The following PCDH7 variants were observed in gnomAD, a reference collection of about 807,000 sequenced individuals.
The protein encoded by PCDH7 is protocadherin-7.
In PCDH7, 17 loss-of-function variants were observed where a neutral mutation model predicts 58.9. The observed-to-expected ratio is 0.29, with a 90% CI of 0.20 to 0.43. PCDH7 has a LOEUF of 0.43. PCDH7 is among the 20% of genes least tolerant of loss of function. The pLI is 1.00. For synonymous variants in PCDH7, 664 were observed against 616.4 expected, an observed-to-expected ratio of 1.08 and a Z score of -1.14; for missense variants, 1,274 against 1,441.0, an observed-to-expected ratio of 0.88 and a Z score of 1.88.
intron 1 of PCDH7, among the ~76,000 whole-genome samples, chr4:30,866,040 T>C (rs35363488): frequency 0.25 from 38,145 of 151,978 alleles, 4,920 homozygotes; most frequent in African/African-American, 0.29. Flanking sequence ...AATTCCTGTA[T>C]GTTAAATGAA....
At chr4:30,845,075 C>G (rs1321987049) in intron 1 of PCDH7, among the ~76,000 whole-genome samples, 2 of 152,114 alleles carry the variant, frequency 1.3e-5, no homozygotes, top group Non-Finnish European at 2.9e-5. Context: ...TGAAGTTATT[C>G]TAAAGAGCTT....
In PCDH7 at chr4:30,772,060, G is replaced by A. The variant is rs1721486512; in HGVS notation, c.70+47464G>A. On this transcript the variant is annotated intron_variant, in intron 1 of 3. Transcript: ENST00000509759. ...AATTTTTGTATTTTTAGTAGAGATG[G>A]GGTCTCACCATGTTGGCCAGGGTGG... Among the ~76,000 whole-genome samples the A allele has an allele frequency of 4.6e-5, 7 of 151,982 alleles. No individual in the cohort carries two copies. The South Asian group carries it at 1.5e-3, about 32-fold the overall frequency.
At chr4:30,878,666 C>T (rs4408918) in intron 1 of PCDH7, among the ~76,000 whole-genome samples, 61,623 of 151,768 alleles carry the variant, frequency 0.41, 12,739 homozygotes, top group African/African-American at 0.45. Flanking sequence ...CTGGTCAACA[C>T]GGCAAACCCC....
intron 1 of PCDH7, among the ~76,000 whole-genome samples, chr4:30,894,564 T>C (rs554577100): frequency 0.021 from 2,177 of 104,626 alleles, 33 homozygotes; most frequent in Middle Eastern, 0.043. Context: ...CACACATATA[T>C]ACATATACAC....
intron 1 of PCDH7, among the ~76,000 whole-genome samples, chr4:30,741,739 C>A (rs1717106141): frequency 6.6e-6 from 1 of 152,170 alleles, no homozygotes; most frequent in South Asian, 2.1e-4. Context: ...ATATAATCTG[C>A]AATTACTATA....
intron 1 of PCDH7, among the ~76,000 whole-genome samples, chr4:30,798,079 CAA>C (rs1345761572): frequency 6.6e-6 from 1 of 152,124 alleles, no homozygotes; most frequent in Admixed American, 6.5e-5. Context: ...TACACAGTGC[CAA>C]GAGTCCAGGC....
Position 30,721,470 on chromosome 4 carries a change from C to G in PCDH7, c.48C>G (p.Gly16=), listed in dbSNP as rs751883060. ...GATGGGCGCGCGGCTGGTGCTTGGG[C>G]TGCTGCCTCCTCCTGCCGCTCTCGC... is the stretch of plus-strand genomic sequence containing the variant. The change falls in exon 1 of 2, where the codon GGC becomes GGG. Residue 16 remains glycine, a synonymous_variant. Transcript: ENST00000361762. The surrounding 1 kb of genome is among the most constrained non-coding windows in gnomAD (Gnocchi z 6.7). The G allele has an allele frequency of 1.3e-6, 2 of 1,576,912 alleles. No individual in the cohort carries two copies. Among genetic ancestry groups the G allele is most frequent in the East Asian group, 2.3e-5 (1 of 44,228 alleles).
At chr4:30,768,740 T>C (rs1343969148) in intron 1 of PCDH7, among the ~76,000 whole-genome samples, 1 of 152,220 alleles carries the variant, frequency 6.6e-6, no homozygotes, top group Non-Finnish European at 1.5e-5. Context: ...ATTTCAATTA[T>C]TATCTTGCTA....
At chr4:30,951,604 A>C (rs1465632279) in intron 3 of PCDH7, among the ~76,000 whole-genome samples, 3 of 152,184 alleles carry the variant, frequency 2.0e-5, no homozygotes, top group Non-Finnish European at 4.4e-5. Context: ...AAATTCACAT[A>C]CAAAAAATAA....
In PCDH7 at chr4:31,108,369, T is replaced by TAAAAAAAAAAAAAAAA. The variant is rs71190491; in HGVS notation, c.*8-34079_*8-34064dup. On this transcript the variant is annotated intron_variant, in intron 3 of 3. Coordinates refer to the PCDH7 transcript ENST00000509759. ...GTAGACTGTAACATACAGCATACAG[T>TAAAAAAAAAAAAAAAA]AAAAAAAAAAAAAAAAAAAAAAAAA... Among the ~76,000 whole-genome samples, 6 of 60,092 alleles carry TAAAAAAAAAAAAAAAA rather than the reference T, an allele frequency of 1.0e-4. 1 individual carries two copies. The highest frequency in any genetic ancestry group is 2.4e-4 in the African/African-American group (5 of 21,118). 39.4% of individuals were successfully genotyped at this position (60,092 alleles called of 152,430 possible). A position where few individuals can be genotyped will look rare whatever the true frequency, so the allele number is the denominator to read the frequency against.
chr4:31,060,455 G>A (rs1310762842), intron 3 of PCDH7, among the ~76,000 whole-genome samples: 2 of 151,548 alleles, frequency 1.3e-5, no homozygotes, highest in East Asian at 3.9e-4. Context: ...GATGCCCCTT[G>A]GTGGCCAAAT....
chr4:31,084,272 T>G (rs1314700498), intron 3 of PCDH7, among the ~76,000 whole-genome samples: 2 of 152,180 alleles, frequency 1.3e-5, no homozygotes, highest in African/African-American at 4.8e-5. Flanking sequence ...ACGGACAGAT[T>G]GCAGAGAAAT....
chr4:30,881,090 T>C (rs1228892835), intron 1 of PCDH7, among the ~76,000 whole-genome samples: 2 of 152,120 alleles, frequency 1.3e-5, no homozygotes, highest in East Asian at 3.9e-4. Context: ...TGTTGAACAG[T>C]ATGAGATGGA....
At chr4:30,724,911 T>C in intron 1 of PCDH7, 5 of 1,129,694 alleles carry the variant, frequency 4.4e-6, no homozygotes, top group Non-Finnish European at 5.5e-6. Flanking sequence ...AATAAATATG[T>C]GTGTATTACT....
intron 3 of PCDH7, among the ~76,000 whole-genome samples, chr4:31,079,586 GT>G (rs140967036): frequency 3.8e-4 from 55 of 145,846 alleles, no homozygotes; most frequent in Admixed American, 8.3e-4. Context: ...TTCATATACT[GT>G]TTTTTTTTTG....
chr4:30,782,574 T>C (rs1484979207), intron 1 of PCDH7, among the ~76,000 whole-genome samples: 2 of 152,180 alleles, frequency 1.3e-5, no homozygotes, highest in Non-Finnish European at 1.5e-5. Context: ...TAACAAAAGA[T>C]AGAATAATAA....
intron 1 of PCDH7, among the ~76,000 whole-genome samples, chr4:30,754,405 C>A (rs564699584): frequency 6.6e-6 from 1 of 152,050 alleles, no homozygotes; most frequent in Non-Finnish European, 1.5e-5. Flanking sequence ...TCCCTTCTAC[C>A]GAAAGCATGA....
intron 3 of PCDH7, among the ~76,000 whole-genome samples, chr4:31,062,516 G>A (rs1560613514): frequency 6.6e-6 from 1 of 151,554 alleles, no homozygotes; most frequent in South Asian, 2.1e-4. Context: ...TAATCAGAAG[G>A]ATACGAGAGC....
intron 3 of PCDH7, among the ~76,000 whole-genome samples, chr4:31,025,618 T>G (rs2109176737): frequency 6.6e-6 from 1 of 152,346 alleles, no homozygotes; most frequent in African/African-American, 2.4e-5. Flanking sequence ...ACTTGCCTAT[T>G]ATTTACTAGA....
Sources: allele counts gnomAD v4.1 joint callset (sites outside exome capture counted in the v4.1 genomes callset), GRCh38; gene constraint gnomAD v4.1.1; non-coding constraint Gnocchi (gnomAD v3.1); transcripts MANE v1.5; gene names NCBI Gene and HGNC (gene_info 2026-07-23, HGNC 2026-07-21).